The following STARD13 variants were observed in gnomAD, a reference collection of about 807,000 sequenced individuals.
STARD13 encodes StAR related lipid transfer domain containing 13.
A neutral mutation model predicts 106.4 loss-of-function variants in STARD13; 62 were observed. That is an observed-to-expected ratio of 0.58 (90% confidence interval 0.48 to 0.72). The LOEUF (loss-of-function observed/expected upper bound fraction) is 0.72, where lower values mean the gene tolerates loss of function less well. Ranked by LOEUF, STARD13 falls within the 30% of genes least tolerant of loss-of-function variation. The pLI is 0.00. For missense variants in STARD13, 1,387 were observed against 1,424.0 expected (o/e 0.97, Z 0.42); for synonymous variants, 565 against 553.0 (o/e 1.02, Z -0.31).
Position 33,285,654 on chromosome 13 carries a change from A to G in STARD13, c.-16T>C, listed in dbSNP as rs1169964622. 1 of 1,611,320 alleles carries G rather than the reference A, an allele frequency of 6.2e-7. No homozygotes were observed. On this transcript the variant is annotated 5_prime_UTR_variant, in exon 1 of 14. Transcript: ENST00000336934. Reference sequence around the variant, plus strand: ...GACTGAACATCTCGGCAGATTTCCTATTGCCACCTCAGTCTGCCTGTGGCT... The same window carrying G: ...GACTGAACATCTCGGCAGATTTCCTGTTGCCACCTCAGTCTGCCTGTGGCT...
intron 8 of STARD13, among the ~76,000 whole-genome samples, chr13:33,114,106 T>C (rs796796257): frequency 7.9e-5 from 12 of 152,332 alleles, no homozygotes; most frequent in African/African-American, 2.9e-4. Context: ...AAAATACTGA[T>C]TGGGTGTGCT....
chr13:33,181,727 T>A (rs12875841), intron 1 of STARD13, among the ~76,000 whole-genome samples: 1 of 152,090 alleles, frequency 6.6e-6, no homozygotes, highest in East Asian at 1.9e-4. Context: ...CAGCAATGTC[T>A]GTGTATCTCG....
At chr13:33,350,627 T>C (rs1566154762), upstream of STARD13, 1 of 1,361,638 alleles carries the variant, frequency 7.3e-7, no homozygotes, top group Non-Finnish European at 9.4e-7. Context: ...CGCGCTAGGT[T>C]ATTAACCTCT....
chr13:33,384,801 G>A, the STARD13 span, among the ~76,000 whole-genome samples: 1 of 152,044 alleles, frequency 6.6e-6, no homozygotes, highest in African/African-American at 2.4e-5. Flanking sequence ...CCTCAAAAAA[G>A]ACTGCATGCT....
chr13:33,268,222 C>G (rs1321743990), intron 1 of STARD13, among the ~76,000 whole-genome samples: 1 of 152,174 alleles, frequency 6.6e-6, no homozygotes, highest in Non-Finnish European at 1.5e-5. Flanking sequence ...AAACTCCCTG[C>G]TAAAATTGCA....
intron 1 of STARD13, among the ~76,000 whole-genome samples, chr13:33,232,292 G>A (rs113426868): frequency 0.042 from 6,374 of 152,316 alleles, 180 homozygotes; most frequent in Middle Eastern, 0.075. Flanking sequence ...CAGCCTTGGT[G>A]ACAGAGCAAG....
the STARD13 span, among the ~76,000 whole-genome samples, chr13:33,412,366 T>A: frequency 6.7e-6 from 1 of 150,136 alleles, no homozygotes; most frequent in African/African-American, 2.5e-5. Flanking sequence ...AAGAGCAAAA[T>A]GAATTCTGAA....
At chr13:33,214,187 T>C (rs541119801) in intron 1 of STARD13, among the ~76,000 whole-genome samples, 2 of 152,338 alleles carry the variant, frequency 1.3e-5, no homozygotes, top group South Asian at 4.1e-4. Context: ...ATTCTGAAAG[T>C]GTAATGAGCA....
At chr13:33,161,812 G>A (rs957440742) in intron 3 of STARD13, among the ~76,000 whole-genome samples, 1 of 152,198 alleles carries the variant, frequency 6.6e-6, no homozygotes, top group African/African-American at 2.4e-5. Context: ...CCACATGTGT[G>A]GGAAGGCCTC....
intron 1 of STARD13, among the ~76,000 whole-genome samples, chr13:33,272,201 A>T (rs1446373070): frequency 1.3e-5 from 2 of 152,234 alleles, no homozygotes; most frequent in Non-Finnish European, 2.9e-5. Flanking sequence ...GCTTGGCACC[A>T]GAAGTGTTTC....
chr13:33,579,310 C>T, the STARD13 span, among the ~76,000 whole-genome samples: 124 of 152,192 alleles, frequency 8.1e-4, no homozygotes, highest in African/African-American at 2.9e-3. Context: ...GAATACTACT[C>T]AGCCACAAAA....
intron 4 of STARD13, among the ~76,000 whole-genome samples, chr13:33,140,498 T>C (rs1020514899): frequency 6.6e-6 from 1 of 152,232 alleles, no homozygotes; most frequent in African/African-American, 2.4e-5. Context: ...CTGGACAAAC[T>C]GCTCATGTTT....
chr13:33,440,138 G>A, the STARD13 span, among the ~76,000 whole-genome samples: 1 of 152,040 alleles, frequency 6.6e-6, no homozygotes, highest in African/African-American at 2.4e-5. Context: ...AATTAGCCGA[G>A]CATGGTGGCA....
intron 1 of STARD13, among the ~76,000 whole-genome samples, chr13:33,211,898 G>A (rs1487994888): frequency 6.6e-6 from 1 of 151,662 alleles, no homozygotes; most frequent in East Asian, 1.9e-4. Context: ...ATACACATAT[G>A]TCTATACATA....
intron 1 of STARD13, among the ~76,000 whole-genome samples, chr13:33,271,169 G>A (rs1294042963): frequency 2.6e-5 from 4 of 152,144 alleles, no homozygotes. Flanking sequence ...TGGTCTACGG[G>A]CCTCAGCTAT....
chr13:33,532,247 T>C, the STARD13 span, among the ~76,000 whole-genome samples: 1 of 152,228 alleles, frequency 6.6e-6, no homozygotes, highest in African/African-American at 2.4e-5. Flanking sequence ...GAATCTTAAT[T>C]ATGTTACCTT....
intron 1 of STARD13, among the ~76,000 whole-genome samples, chr13:33,192,287 C>T (rs1391912092): frequency 6.6e-6 from 1 of 152,212 alleles, no homozygotes; most frequent in Non-Finnish European, 1.5e-5. Flanking sequence ...AACTTTCCTT[C>T]TCTTATTCCT....
At chr13:33,383,005 C>T in the STARD13 span, among the ~76,000 whole-genome samples, 1 of 152,216 alleles carries the variant, frequency 6.6e-6, no homozygotes, top group African/African-American at 2.4e-5. Flanking sequence ...ATATTTTTGG[C>T]CTAGTGGGTC....
intron 1 of STARD13, among the ~76,000 whole-genome samples, chr13:33,275,052 G>A (rs1891352828): frequency 6.6e-6 from 1 of 152,126 alleles, no homozygotes; most frequent in South Asian, 2.1e-4. Flanking sequence ...AAGTTCAACG[G>A]GCTTTACTAT....
Sources: gnomAD v4.1 joint callset for allele counts (sites outside exome capture counted in the v4.1 genomes callset) on GRCh38, gnomAD v4.1.1 for gene constraint, MANE v1.5 for transcripts, NCBI Gene and HGNC (gene_info 2026-07-23, HGNC 2026-07-21) for gene names.